Variants in PKNOX1 observed in about 807,000 individuals in gnomAD.
PKNOX1 encodes PBX/knotted 1 homeobox 1.
Under a neutral mutation model 51.9 loss-of-function variants are expected in PKNOX1, and 15 were observed. The observed-to-expected ratio is 0.29, with a 90% confidence interval of 0.19 to 0.45. The LOEUF is 0.45. Among genes scored for constraint, PKNOX1 ranks in the 20% least tolerant of loss-of-function variants. The probability of loss-of-function intolerance (pLI) is 1.00; values close to 1 mark genes in which losing one functional copy is unlikely to be tolerated. For missense variants in PKNOX1, 462 were observed against 547.5 expected (o/e 0.84, Z 1.56); for synonymous variants, 219 against 211.1 (o/e 1.04, Z -0.32).
intron 1 of PKNOX1, among the ~76,000 whole-genome samples, chr21:42,977,183 CAT>C (rs2059001322): frequency 6.6e-6 from 1 of 152,132 alleles, no homozygotes; most frequent in Non-Finnish European, 1.5e-5. Flanking sequence ...GTAGACGTAA[CAT>C]AATTCTTCAG....
chr21:42,997,861 C>G (rs1978580750), intron 1 of PKNOX1, among the ~76,000 whole-genome samples: 1 of 152,130 alleles, frequency 6.6e-6, no homozygotes, highest in Admixed American at 6.6e-5. Flanking sequence ...GCTGGGGAAG[C>G]TAAATGTGGC....
intron 1 of PKNOX1, among the ~76,000 whole-genome samples, chr21:42,995,296 G>A (rs1004659526): frequency 1.3e-5 from 2 of 152,122 alleles, no homozygotes; most frequent in Admixed American, 6.6e-5. Context: ...CTGAGGATTG[G>A]ACTCACAGCT....
intron 3 of PKNOX1, 66 bp downstream of exon 3, chr21:43,007,684 A>G (rs1286676674): frequency 1.9e-6 from 3 of 1,573,528 alleles, no homozygotes; most frequent in African/African-American, 2.7e-5. Context: ...GTTTGTTAAA[A>G]GGAACACCAG....
Position 43,010,127 on chromosome 21 carries a change from C to T in PKNOX1, c.254C>T (p.Thr85Ile), listed in dbSNP as rs773406836. 6.2e-7 allele frequency: 1 copy of T among 1,606,990 alleles called. No homozygotes were observed. Among genetic ancestry groups the T allele is most frequent in the Non-Finnish European group, 8.5e-7 (1 of 1,176,010 alleles). ...TCTACACAGGGCTCTGAAGGCACAA[C>T]TTCTGCCAGTTTTGATGTAGACATC... is the stretch of plus-strand genomic sequence containing the variant. ...EQSTQGSEGT[T>I]SASFDVDIEN... The change falls in exon 4 of 11, where the codon ACT (threonine) becomes ATT (isoleucine). Residue 85 changes from threonine (T) to isoleucine (I), a missense_variant. Physicochemically the swap from Thr to Ile is moderately conservative, Grantham distance 89. This residue lies in a region of PKNOX1 where 129 missense variants were observed against 133.4 expected (regional missense o/e 0.97). Transcript: ENST00000291547.
intron 5 of PKNOX1, among the ~76,000 whole-genome samples, chr21:43,016,210 C>G (rs1281645020): frequency 1.3e-5 from 2 of 152,236 alleles, no homozygotes; most frequent in Non-Finnish European, 2.9e-5. Flanking sequence ...CTCTCCCCTG[C>G]CAGCTGCCCA....
chr21:43,014,373 G>A (rs1436342528), intron 5 of PKNOX1, among the ~76,000 whole-genome samples: 1 of 152,022 alleles, frequency 6.6e-6, no homozygotes, highest in Non-Finnish European at 1.5e-5. Flanking sequence ...AGTGTTGAGA[G>A]TTCTTTGCTT....
intron 1 of PKNOX1, among the ~76,000 whole-genome samples, 161 bp downstream of exon 1, chr21:42,974,825 G>C (rs567353916): frequency 0.017 from 2,541 of 149,072 alleles, 73 homozygotes; most frequent in African/African-American, 0.059. Context: ...CCCGCCGCCC[G>C]GGGCAGGGGG....
rs1439360253 is a variant in PKNOX1, at chr21:42,975,319, GCC to G, written c.-57+657_-57+658del. Among the ~76,000 whole-genome samples, 4 of 151,532 alleles carry G rather than the reference GCC, an allele frequency of 2.6e-5. No homozygotes were observed. The East Asian group carries it at 7.8e-4, about 29-fold the overall frequency. On this transcript the variant is annotated intron_variant, in intron 1 of 10. Coordinates refer to ENST00000291547, the MANE Select transcript of PKNOX1 (RefSeq NM_004571.5). Reference sequence around the variant, plus strand: ...GGCGGTGGGCGTGATGGGGCTCGTGGCCCTCAGCCGGGCGCCGGCGCGGGAGC... The same window carrying G: ...GGCGGTGGGCGTGATGGGGCTCGTGGCTCAGCCGGGCGCCGGCGCGGGAGC...
At chr21:43,013,790 G>A (rs1009042724) in intron 5 of PKNOX1, among the ~76,000 whole-genome samples, 3 of 152,094 alleles carry the variant, frequency 2.0e-5, no homozygotes, top group Admixed American at 6.5e-5. Flanking sequence ...AAGCGGAATC[G>A]TACAGTGTTT....
chr21:42,979,250 G>A (rs981202768), intron 1 of PKNOX1, among the ~76,000 whole-genome samples: 9 of 152,122 alleles, frequency 5.9e-5, no homozygotes, highest in African/African-American at 1.9e-4. Flanking sequence ...ACAGATCCCC[G>A]TAACAGACAT....
chr21:43,022,847 A>G (rs1418876185), intron 8 of PKNOX1, among the ~76,000 whole-genome samples: 1 of 152,184 alleles, frequency 6.6e-6, no homozygotes, highest in African/African-American at 2.4e-5. Flanking sequence ...GGTTTAGTGA[A>G]GGATAGGAAG....
chr21:43,010,787 G>C (rs7283571), intron 4 of PKNOX1, among the ~76,000 whole-genome samples: 136,585 of 151,954 alleles, frequency 0.9, 61,511 homozygotes, highest in African/African-American at 0.91. Context: ...TCACTTGAAC[G>C]CAGGAGGCGG....
chr21:43,013,933 A>G (rs1251959373), intron 5 of PKNOX1, among the ~76,000 whole-genome samples: 1 of 150,084 alleles, frequency 6.7e-6, no homozygotes, highest in Admixed American at 6.6e-5. Flanking sequence ...TTTAATTTTC[A>G]TTTCCCTGAT....
intron 1 of PKNOX1, among the ~76,000 whole-genome samples, chr21:42,987,339 G>C (rs1394615178): frequency 7.5e-6 from 1 of 132,970 alleles, no homozygotes; most frequent in Non-Finnish European, 1.5e-5. Flanking sequence ...CTGAGATCGT[G>C]CCATTACACT....
chr21:42,996,361 C>T (rs1325858647), intron 1 of PKNOX1, among the ~76,000 whole-genome samples: 2 of 152,138 alleles, frequency 1.3e-5, no homozygotes, highest in African/African-American at 4.8e-5. Context: ...GCAGGGGGTT[C>T]TGGCTGAACT....
At chr21:42,999,486 T>C (rs1286045360) in intron 1 of PKNOX1, among the ~76,000 whole-genome samples, 3 of 152,012 alleles carry the variant, frequency 2.0e-5, no homozygotes, top group Non-Finnish European at 4.4e-5. Context: ...TTTCTTTTCT[T>C]TTTTTTTCTT....
At chr21:43,017,713 G>A (rs1979554433) in intron 6 of PKNOX1, 2 of 161,308 alleles carry the variant, frequency 1.2e-5, no homozygotes, top group Non-Finnish European at 1.4e-5. Context: ...AGGTCAGTTG[G>A]TGGTGTGTGA....
intron 5 of PKNOX1, among the ~76,000 whole-genome samples, chr21:43,015,543 GT>G (rs1477901677): frequency 3.3e-5 from 5 of 152,064 alleles, no homozygotes; most frequent in African/African-American, 1.2e-4. Flanking sequence ...GTATAGTTTT[GT>G]TTTTCATACT....
intron 1 of PKNOX1, among the ~76,000 whole-genome samples, chr21:42,978,547 G>C (rs1265484543): frequency 6.8e-6 from 1 of 147,468 alleles, no homozygotes. Flanking sequence ...GCAGTGGCGC[G>C]ATCTTGGCTC....
Sources: gnomAD v4.1 joint callset for allele counts (sites outside exome capture counted in the v4.1 genomes callset) on GRCh38, gnomAD v4.1.1 for gene constraint, gnomAD v4.1.1 regional missense constraint, MANE v1.5 for transcripts, NCBI Gene and HGNC (gene_info 2026-07-23, HGNC 2026-07-21) for gene names.